Variants in SHISA9 observed in about 807,000 individuals in gnomAD.
SHISA9 encodes the protein shisa family member 9.
In SHISA9, 13 loss-of-function variants were observed where a neutral mutation model predicts 38.0. The observed-to-expected ratio is 0.34, with a 90% CI of 0.22 to 0.54. SHISA9 has a LOEUF of 0.54. Among genes scored for constraint, SHISA9 ranks in the 20% least tolerant of loss-of-function variants. The pLI is 0.91. For synonymous variants in SHISA9, 275 were observed against 242.0 expected (o/e 1.14, Z -1.27); for missense variants, 538 against 575.8 (o/e 0.93, Z 0.67).
chr16:13,100,955 C>T (rs1056231788), intron 2 of SHISA9, among the ~76,000 whole-genome samples: 3 of 152,252 alleles, frequency 2.0e-5, no homozygotes, highest in East Asian at 1.9e-4. Flanking sequence ...CTCGGTCTCC[C>T]GAAGTGCTGG....
At chr16:13,345,590 T>C in the SHISA9 span, among the ~76,000 whole-genome samples, 2 of 152,200 alleles carry the variant, frequency 1.3e-5, no homozygotes, top group African/African-American at 4.8e-5. Flanking sequence ...GCCTTTATAA[T>C]AGAATGATTT....
the SHISA9 span, among the ~76,000 whole-genome samples, chr16:13,389,504 A>G: frequency 9.8e-5 from 15 of 152,354 alleles, no homozygotes; most frequent in African/African-American, 3.1e-4. Context: ...TCTTAAATAT[A>G]TACATTTAAA....
chr16:13,517,304 T>C, the SHISA9 span, among the ~76,000 whole-genome samples: 42 of 152,320 alleles, frequency 2.8e-4, no homozygotes, highest in Middle Eastern at 6.8e-3. Flanking sequence ...GAAGATACCT[T>C]GATTTCAGAC....
the SHISA9 span, among the ~76,000 whole-genome samples, chr16:13,249,876 C>A: frequency 1.3e-5 from 2 of 152,136 alleles, no homozygotes; most frequent in Non-Finnish European, 2.9e-5. Flanking sequence ...GGACTACAGG[C>A]ACACACCACC....
the SHISA9 span, among the ~76,000 whole-genome samples, chr16:13,555,972 C>G: frequency 6.6e-6 from 1 of 152,152 alleles, no homozygotes; most frequent in Non-Finnish European, 1.5e-5. Context: ...TGCTGGTTCT[C>G]AGTTTCCTCA....
At chr16:13,361,190 A>C in the SHISA9 span, among the ~76,000 whole-genome samples, 2 of 152,074 alleles carry the variant, frequency 1.3e-5, no homozygotes, top group East Asian at 3.9e-4. Flanking sequence ...TTTCTTCTCT[A>C]TCTCTCTGTC....
the SHISA9 span, among the ~76,000 whole-genome samples, chr16:13,551,871 G>A: frequency 5.9e-5 from 9 of 152,152 alleles, no homozygotes; most frequent in African/African-American, 9.6e-5. Context: ...TACTGAAAAC[G>A]CAAAAACTAG....
intron 2 of SHISA9, among the ~76,000 whole-genome samples, chr16:12,977,443 T>C (rs1306771786): frequency 1.3e-5 from 2 of 152,186 alleles, no homozygotes; most frequent in Non-Finnish European, 2.9e-5. Context: ...AAATGCCATT[T>C]GACCCAGCAA....
At chr16:13,151,673 G>A (rs153079) in intron 2 of SHISA9, among the ~76,000 whole-genome samples, 138,440 of 152,282 alleles carry the variant, frequency 0.91, 63,132 homozygotes, top group African/African-American at 0.98. Context: ...AACTAAATAC[G>A]TTTTAGATTC....
the SHISA9 span, among the ~76,000 whole-genome samples, chr16:13,278,277 T>C: frequency 6.6e-6 from 1 of 152,126 alleles, no homozygotes; most frequent in African/African-American, 2.4e-5. Context: ...CACTTGATCA[T>C]GGTGGATTAT....
At chr16:13,557,725 T>C in the SHISA9 span, among the ~76,000 whole-genome samples, 1 of 152,106 alleles carries the variant, frequency 6.6e-6, no homozygotes. Context: ...AGAAAGAGCC[T>C]CTCAAACTCC....
At chr16:12,989,121 C>T (rs1238297378) in intron 2 of SHISA9, among the ~76,000 whole-genome samples, 1 of 152,122 alleles carries the variant, frequency 6.6e-6, no homozygotes. Context: ...CTTATAGAAC[C>T]AGTAGATGCT....
chr16:13,283,737 C>T, the SHISA9 span, among the ~76,000 whole-genome samples: 1 of 151,848 alleles, frequency 6.6e-6, no homozygotes, highest in Non-Finnish European at 1.5e-5. Context: ...TAGGATGTGT[C>T]TTTATTCTAA....
chr16:13,202,737 CTGTG>C (rs1462440510), intron 2 of SHISA9, among the ~76,000 whole-genome samples: 6 of 152,104 alleles, frequency 3.9e-5, no homozygotes, highest in Non-Finnish European at 7.4e-5. Context: ...CAGATTGTTT[CTGTG>C]TATGTGTTTT....
intron 2 of SHISA9, among the ~76,000 whole-genome samples, chr16:12,968,353 C>T (rs1160039992): frequency 1.3e-5 from 2 of 152,052 alleles, no homozygotes; most frequent in Non-Finnish European, 2.9e-5. Context: ...GAACCACTGA[C>T]CTAAATATCC....
chr16:13,386,879 G>T, the SHISA9 span, among the ~76,000 whole-genome samples: 1 of 152,110 alleles, frequency 6.6e-6, no homozygotes, highest in African/African-American at 2.4e-5. Flanking sequence ...CCTACTGATG[G>T]ATATCTAGTT....
At chr16:13,403,111 CA>C in the SHISA9 span, among the ~76,000 whole-genome samples, 5,423 of 145,136 alleles carry the variant, frequency 0.037, 289 homozygotes, top group African/African-American at 0.13. Context: ...CTCAAAAACA[CA>C]AAAAAAAAAA....
At chr16:13,040,432 C>T (rs4780496) in intron 2 of SHISA9, among the ~76,000 whole-genome samples, 91,401 of 152,086 alleles carry the variant, frequency 0.6, 28,457 homozygotes, top group Middle Eastern at 0.74. Flanking sequence ...AGCTCAAATG[C>T]CACTTCTACA....
chr16:13,445,365 A>C, the SHISA9 span, among the ~76,000 whole-genome samples: 7 of 152,164 alleles, frequency 4.6e-5, no homozygotes, highest in Non-Finnish European at 7.3e-5. Context: ...TTTAGATGTT[A>C]AGCTTTGTGG....
Sources: gnomAD v4.1 joint callset for allele counts (sites outside exome capture counted in the v4.1 genomes callset) on GRCh38, gnomAD v4.1.1 for gene constraint, MANE v1.5 for transcripts, NCBI Gene and HGNC (gene_info 2026-07-23, HGNC 2026-07-21) for gene names.